The following MAGI2 variants were observed in gnomAD, a reference collection of about 807,000 sequenced individuals.
The protein encoded by MAGI2 is membrane associated guanylate kinase, WW and PDZ domain containing 2.
A neutral mutation model predicts 133.3 loss-of-function variants in MAGI2; 35 were observed. That is an observed-to-expected ratio of 0.26 (90% CI 0.20 to 0.35). The LOEUF (loss-of-function observed/expected upper bound fraction) is 0.35. Ranked by LOEUF, MAGI2 falls within the 10% of genes least tolerant of loss-of-function variation. The pLI is 1.00. For synonymous variants in MAGI2, 729 were observed against 710.6 expected (o/e 1.03, Z -0.41); for missense variants, 1,636 against 1,863.4 (o/e 0.88, Z 2.25).
intron 3 of MAGI2, among the ~76,000 whole-genome samples, chr7:78,620,510 G>A (rs1563252950): frequency 6.6e-6 from 1 of 151,952 alleles, no homozygotes; most frequent in Non-Finnish European, 1.5e-5. Flanking sequence ...ATGAAGTACA[G>A]CACTCCTTCA....
At chr7:78,935,666 C>A (rs1800454807) in intron 2 of MAGI2, among the ~76,000 whole-genome samples, 1 of 151,972 alleles carries the variant, frequency 6.6e-6, no homozygotes, top group Non-Finnish European at 1.5e-5. Context: ...AGAGAAACAG[C>A]AACTAGATTA....
At chr7:78,750,329 C>T (rs768860151) in intron 2 of MAGI2, among the ~76,000 whole-genome samples, 2 of 152,098 alleles carry the variant, frequency 1.3e-5, no homozygotes, top group Non-Finnish European at 2.9e-5. Flanking sequence ...GTGAACAGTG[C>T]TGCAATAAAC....
At chr7:78,527,029 A>AAAAAAAAAAAAAAAAAAAAAG (rs1563125198) in intron 3 of MAGI2, among the ~76,000 whole-genome samples, 8 of 124,786 alleles carry the variant, frequency 6.4e-5, no homozygotes, top group Non-Finnish European at 1.0e-4. Context: ...AAAAAAAAAA[A>AAAAAAAAAAAAAAAAAAAAAG]AAAAAGAAAA....
intron 21 of MAGI2, among the ~76,000 whole-genome samples, chr7:78,048,290 G>A (rs1451332670): frequency 6.6e-6 from 1 of 152,194 alleles, no homozygotes; most frequent in Non-Finnish European, 1.5e-5. Flanking sequence ...AAGGGATAGT[G>A]TCTTAGGAAG....
At chr7:78,485,722 A>G (rs1018031327) in intron 6 of MAGI2, 4 of 152,054 alleles carry the variant, frequency 2.6e-5, no homozygotes, top group African/African-American at 9.7e-5. Context: ...ACATACCTCC[A>G]TACATTCATA....
intron 1 of MAGI2, among the ~76,000 whole-genome samples, chr7:79,398,120 T>C (rs544351468): frequency 1.3e-5 from 2 of 152,350 alleles, no homozygotes; most frequent in East Asian, 3.9e-4. Flanking sequence ...TCTTCATGCA[T>C]GCAAGTCCCT....
chr7:79,336,558 T>C (rs1840452199), intron 1 of MAGI2, among the ~76,000 whole-genome samples: 1 of 152,078 alleles, frequency 6.6e-6, no homozygotes, highest in Non-Finnish European at 1.5e-5. Flanking sequence ...ATTGATAAAA[T>C]CAGGATAGAG....
chr7:78,788,453 T>G (rs1048546681), intron 2 of MAGI2, among the ~76,000 whole-genome samples: 1 of 152,168 alleles, frequency 6.6e-6, no homozygotes, highest in Non-Finnish European at 1.5e-5. Flanking sequence ...ATATCCTAAC[T>G]TTAGGGTTTT....
intron 2 of MAGI2, among the ~76,000 whole-genome samples, chr7:78,821,497 C>A (rs1345533711): frequency 6.6e-6 from 1 of 151,872 alleles, no homozygotes; most frequent in African/African-American, 2.4e-5. Flanking sequence ...GTTTTAAATG[C>A]ATAACAAAAC....
At chr7:78,289,919 C>T (rs1320739084) in intron 9 of MAGI2, among the ~76,000 whole-genome samples, 1 of 152,096 alleles carries the variant, frequency 6.6e-6, no homozygotes, top group Non-Finnish European at 1.5e-5. Flanking sequence ...TTTGTCACCA[C>T]CAGGCCTGCC....
At chr7:78,138,106 C>T (rs1194123452) in intron 16 of MAGI2, among the ~76,000 whole-genome samples, 1 of 152,212 alleles carries the variant, frequency 6.6e-6, no homozygotes, top group South Asian at 2.1e-4. Context: ...TATCAGATTT[C>T]ATAGCCTTTG....
At chr7:79,178,498 G>A (rs1826317098) in intron 1 of MAGI2, among the ~76,000 whole-genome samples, 1 of 151,846 alleles carries the variant, frequency 6.6e-6, no homozygotes, top group South Asian at 2.1e-4. Flanking sequence ...GATCAACTGA[G>A]GTCAGGAGTT....
At chr7:79,243,396 G>C (rs190388657) in intron 1 of MAGI2, among the ~76,000 whole-genome samples, 40 of 152,254 alleles carry the variant, frequency 2.6e-4, no homozygotes, top group African/African-American at 8.4e-4. Flanking sequence ...TACGCTTTCA[G>C]AAGCACTTGA....
intron 2 of MAGI2, among the ~76,000 whole-genome samples, chr7:78,931,661 T>G (rs1160500807): frequency 6.6e-6 from 1 of 152,146 alleles, no homozygotes; most frequent in Non-Finnish European, 1.5e-5. Flanking sequence ...CCCAATAATT[T>G]GGATTCTCAA....
At chr7:78,707,434 C>A (rs1446826154) in intron 2 of MAGI2, among the ~76,000 whole-genome samples, 3 of 152,072 alleles carry the variant, frequency 2.0e-5, no homozygotes, top group Non-Finnish European at 4.4e-5. Flanking sequence ...TAACTTCTGA[C>A]TCTAAAACAT....
chr7:79,176,933 A>T (rs1284040994), intron 1 of MAGI2: 1 of 152,000 alleles, frequency 6.6e-6, no homozygotes, highest in Admixed American at 6.6e-5. Context: ...GCAACAAACA[A>T]TCGCATAAGT....
At chr7:78,199,117 T>C (rs3807648) in intron 11 of MAGI2, among the ~76,000 whole-genome samples, 83,944 of 151,902 alleles carry the variant, frequency 0.55, 23,406 homozygotes, top group Non-Finnish European at 0.59. Flanking sequence ...GAGTTTGTGT[T>C]ACCGGCCACG....
At chr7:79,357,479 C>A (rs953869150) in intron 1 of MAGI2, among the ~76,000 whole-genome samples, 1 of 152,136 alleles carries the variant, frequency 6.6e-6, no homozygotes, top group African/African-American at 2.4e-5. Context: ...AAAGTAAGTA[C>A]CATCACTTTA....
chr7:78,970,829 T>G (rs1288607641), intron 2 of MAGI2, among the ~76,000 whole-genome samples: 1 of 152,086 alleles, frequency 6.6e-6, no homozygotes, highest in Admixed American at 6.6e-5. Context: ...CCTGTGCTAA[T>G]GCTACATCAG....
Sources: gnomAD v4.1 joint callset for allele counts (sites outside exome capture counted in the v4.1 genomes callset) on GRCh38, gnomAD v4.1.1 for gene constraint, MANE v1.5 for transcripts, NCBI Gene and HGNC (gene_info 2026-07-23, HGNC 2026-07-21) for gene names.